HHIPL1: variants seen among roughly 807,000 people sequenced by gnomAD.
HHIPL1 encodes HHIP-like protein 1.
In HHIPL1, 43 loss-of-function variants were observed where a neutral mutation model predicts 61.8. That is an observed-to-expected ratio of 0.70 (90% CI 0.55 to 0.90). HHIPL1 has a LOEUF of 0.90. HHIPL1 is among the 40% of genes least tolerant of loss of function. The pLI is 0.00. For synonymous variants in HHIPL1, 482 were observed against 515.8 expected (o/e 0.93, Z 0.89); for missense variants, 1,056 against 1,157.7 (o/e 0.91, Z 1.28).
the HHIPL1 span, among the ~76,000 whole-genome samples, chr14:99,616,555 T>A: frequency 6.6e-6 from 1 of 151,968 alleles, no homozygotes; most frequent in African/African-American, 2.4e-5. Context: ...ACAGTACAAG[T>A]GTGTTGTTTC....
chr14:99,655,925 T>G (rs568864378), intron 2 of HHIPL1, among the ~76,000 whole-genome samples: 1 of 152,324 alleles, frequency 6.6e-6, no homozygotes, highest in African/African-American at 2.4e-5. Context: ...CCAACCCTGC[T>G]GTCTCTGCAG....
chr14:99,630,549 T>C, the HHIPL1 span, among the ~76,000 whole-genome samples: 2 of 152,084 alleles, frequency 1.3e-5, no homozygotes, highest in Non-Finnish European at 2.9e-5. Context: ...AGGAAGCGGC[T>C]AGGAGGAGCA....
intron 7 of HHIPL1, among the ~76,000 whole-genome samples, chr14:99,672,054 A>T (rs1397454731): frequency 2.0e-5 from 3 of 152,228 alleles, no homozygotes. Flanking sequence ...GTCCTGGGAA[A>T]GAGTAAGCCT....
the HHIPL1 span, among the ~76,000 whole-genome samples, chr14:99,605,992 G>C: frequency 6.6e-6 from 1 of 152,156 alleles, no homozygotes; most frequent in African/African-American, 2.4e-5. Context: ...TTTTAGCAGG[G>C]AAGCAACATG....
the HHIPL1 span, among the ~76,000 whole-genome samples, chr14:99,630,631 C>T: frequency 1.3e-5 from 2 of 152,344 alleles, no homozygotes; most frequent in South Asian, 2.1e-4. Flanking sequence ...AAGGGTCCAC[C>T]GCCGAAGGCC....
At chr14:99,663,793 T>C (rs1449631419) in intron 6 of HHIPL1, among the ~76,000 whole-genome samples, 2 of 152,132 alleles carry the variant, frequency 1.3e-5, no homozygotes, top group African/African-American at 2.4e-5. Flanking sequence ...ACCCTCACCC[T>C]GGGTAAGGTT....
chr14:99,656,807 G>A (rs1566809742), intron 2 of HHIPL1, among the ~76,000 whole-genome samples, 193 bp from the exon 3 acceptor site: 2 of 2,360 alleles, frequency 8.5e-4, no homozygotes, highest in African/African-American at 4.9e-4. Context: ...AAGAAAGAAA[G>A]AAAGAAAGAA....
At position 99,645,425 on chromosome 14, in the gene HHIPL1, C is replaced by G; in HGVS notation, c.218C>G (p.Ala73Gly). 7.3e-7 allele frequency: 1 copy of G among 1,367,464 alleles called. No individual in the cohort carries two copies. Among genetic ancestry groups the G allele is most frequent in the Non-Finnish European group, 9.4e-7 (1 of 1,065,098 alleles). 84.7% of individuals were successfully genotyped at this position (1,367,464 alleles called of 1,614,324 possible). ...AGCCGCGTGGACGCCGCCGAGTGGG[C>G]CGCGTGCGCCGGCTACGCGAGGGAC... ...LASRVDAAEW[A>G]ACAGYARDLL... is the part of the protein sequence containing the mutation. Residue 73 changes from alanine to glycine, a missense_variant, in exon 1 of 9, where the codon GCC (alanine) becomes GGC (glycine). By Grantham distance (60) the Ala-to-Gly change is moderately conservative. Transcript: ENST00000330710.
intron 1 of HHIPL1, 72 bp downstream of exon 1, chr14:99,645,534 C>CGCGGGG: frequency 8.1e-7 from 1 of 1,233,046 alleles, no homozygotes; most frequent in Non-Finnish European, 1.0e-6. Flanking sequence ...ATCGGAACCC[C>CGCGGGG]GCGGGGGCGA....
chr14:99,604,953 C>A, the HHIPL1 span, among the ~76,000 whole-genome samples: 1 of 152,202 alleles, frequency 6.6e-6, no homozygotes, highest in Non-Finnish European at 1.5e-5. Context: ...GGCGGGGCTG[C>A]GTCTCCACTC....
upstream of HHIPL1, among the ~76,000 whole-genome samples, chr14:99,642,709 A>G (rs1182368637): frequency 6.6e-6 from 1 of 152,008 alleles, no homozygotes; most frequent in Non-Finnish European, 1.5e-5. Flanking sequence ...TATTTTTAGT[A>G]GAGATGGGGT....
the HHIPL1 span, among the ~76,000 whole-genome samples, chr14:99,637,168 A>AG: frequency 1.7e-4 from 19 of 110,662 alleles, no homozygotes; most frequent in African/African-American, 6.0e-4. Context: ...GAAAGAAAGA[A>AG]AAAGAAAGAA....
At chr14:99,613,364 C>T in the HHIPL1 span, among the ~76,000 whole-genome samples, 1 of 151,410 alleles carries the variant, frequency 6.6e-6, no homozygotes, top group Admixed American at 6.6e-5. Context: ...CTCACTCTGT[C>T]ACCCAGGCTG....
Position 99,660,132 on chromosome 14 carries a change from A to G in HHIPL1, c.1376-148A>G, listed in dbSNP as rs1319632137. The G allele has an allele frequency of 3.1e-6, 2 of 649,250 alleles. No homozygotes were observed. The highest frequency in any genetic ancestry group is 6.8e-5 in the Admixed American group (2 of 29,486). 40.2% of individuals were successfully genotyped at this position (649,250 alleles called of 1,614,324 possible). A position where few individuals can be genotyped will look rare whatever the true frequency, so the allele number is the denominator to read the frequency against. On this transcript the variant is annotated intron_variant, in intron 4 of 8. Transcript: ENST00000330710. The surrounding 1 kb of genome is among the most constrained non-coding windows in gnomAD (Gnocchi z 4.9). ...CTGCAGACACGCTTTCCACCACGCC[A>G]GCCCTGCTGTGGGCACGCCAGCCCT... is the stretch of plus-strand genomic sequence containing the variant.
chr14:99,670,916 C>T (rs1419191061), intron 7 of HHIPL1, among the ~76,000 whole-genome samples: 2 of 152,130 alleles, frequency 1.3e-5, no homozygotes, highest in Non-Finnish European at 2.9e-5. Flanking sequence ...AAGTGAGTGC[C>T]TAATTCATGC....
chr14:99,670,342 C>T (rs1183217899), intron 7 of HHIPL1, among the ~76,000 whole-genome samples: 1 of 152,194 alleles, frequency 6.6e-6, no homozygotes, highest in Non-Finnish European at 1.5e-5. Flanking sequence ...AAACTCCTGA[C>T]CTCAAGTGAT....
At chr14:99,627,927 G>C in the HHIPL1 span, among the ~76,000 whole-genome samples, 2 of 152,326 alleles carry the variant, frequency 1.3e-5, no homozygotes, top group African/African-American at 4.8e-5. This position sits in a 1 kb window ranked among gnomAD's most constrained non-coding sequence, Gnocchi z 4.4. Flanking sequence ...GAGGAGGAAG[G>C]GCTGGAATGC....
chr14:99,628,481 T>A, the HHIPL1 span, among the ~76,000 whole-genome samples: 1 of 149,218 alleles, frequency 6.7e-6, no homozygotes, highest in Non-Finnish European at 1.5e-5. Context: ...CTTGGGAGGC[T>A]GAGGCAGGAG....
At chr14:99,632,095 CTA>C in the HHIPL1 span, among the ~76,000 whole-genome samples, 1 of 152,198 alleles carries the variant, frequency 6.6e-6, no homozygotes, top group Non-Finnish European at 1.5e-5. Context: ...ACAGCCTGAC[CTA>C]TGTTTTAGGT....
Sources: gnomAD v4.1 joint callset for allele counts (sites outside exome capture counted in the v4.1 genomes callset) on GRCh38, gnomAD v4.1.1 for gene constraint, Gnocchi (gnomAD v3.1) non-coding constraint, MANE v1.5 for transcripts, NCBI Gene and HGNC (gene_info 2026-07-23, HGNC 2026-07-21) for gene names.